ZNF782: variants seen among roughly 807,000 people sequenced by gnomAD.
The protein encoded by ZNF782 is zinc finger protein 782.
In ZNF782, 12 loss-of-function variants were observed where a neutral mutation model predicts 13.0. That is an observed-to-expected ratio of 0.92 (90% CI 0.59 to 1.50). ZNF782 has a LOEUF of 1.50. Ranked by LOEUF, ZNF782 falls within the 40% of genes most tolerant of loss-of-function variation. The pLI is 0.00. For synonymous variants in ZNF782, 284 were observed against 283.0 expected, an observed-to-expected ratio of 1.00 and a Z score of -0.04; for missense variants, 770 against 822.9, an observed-to-expected ratio of 0.94 and a Z score of 0.79.
upstream of ZNF782, among the ~76,000 whole-genome samples, chr9:96,858,199 C>G (rs1032999924): frequency 1.2e-4 from 19 of 152,288 alleles, no homozygotes; most frequent in East Asian, 5.8e-4. The surrounding 1 kb of genome is among the most constrained non-coding windows in gnomAD (Gnocchi z 4.4). Context: ...TTATAGAAAC[C>G]TTGACATACA....
chr9:96,841,685 T>G (rs1392452107), intron 4 of ZNF782, among the ~76,000 whole-genome samples: 1 of 151,890 alleles, frequency 6.6e-6, no homozygotes, highest in Non-Finnish European at 1.5e-5. Context: ...CCATTCATAA[T>G]CAATATTCTC....
At chr9:96,914,034 G>A in the ZNF782 span, among the ~76,000 whole-genome samples, 10 of 151,282 alleles carry the variant, frequency 6.6e-5, 1 homozygote, top group Non-Finnish European at 5.9e-5. Context: ...GAATGTGTCC[G>A]GATGCTCTGA....
chr9:96,881,306 T>C, the ZNF782 span, among the ~76,000 whole-genome samples: 2 of 152,104 alleles, frequency 1.3e-5, no homozygotes, highest in African/African-American at 4.8e-5. Flanking sequence ...TTCTAGCTTT[T>C]AGTTTATTTT....
the ZNF782 span, among the ~76,000 whole-genome samples, chr9:96,920,082 C>CA: frequency 2.0e-5 from 3 of 150,520 alleles, 1 homozygote; most frequent in African/African-American, 7.3e-5. Context: ...GCACTCAAAC[C>CA]AGTAATATGC....
At chr9:96,859,156 G>A (rs538277312), upstream of ZNF782, among the ~76,000 whole-genome samples, 1 of 152,322 alleles carries the variant, frequency 6.6e-6, no homozygotes, top group African/African-American at 2.4e-5. Flanking sequence ...GGCTACTGCA[G>A]GATAAAGTAC....
At chr9:96,887,323 AAGGAAGGAAGGAAGG>A in the ZNF782 span, 3 of 148,648 alleles carry the variant, frequency 2.0e-5, no homozygotes, top group Admixed American at 6.7e-5. Flanking sequence ...GGAAGGAAGG[AAGGAAGGAAGGAAGG>A]AAGAAAGAAA....
the ZNF782 span, chr9:96,931,833 T>G: frequency 1.9e-6 from 3 of 1,612,182 alleles, no homozygotes; most frequent in Admixed American, 3.3e-5. Flanking sequence ...AGGCCGCCCC[T>G]CGTGACTGCA....
the ZNF782 span, among the ~76,000 whole-genome samples, chr9:96,908,231 G>A: frequency 6.6e-6 from 1 of 151,704 alleles, no homozygotes; most frequent in Non-Finnish European, 1.5e-5. Context: ...GTGCAGTGGT[G>A]CAATCATGGC....
In ZNF782 at chr9:96,821,126, A is replaced by T. The variant is rs555097233; in HGVS notation, c.245-1348T>A. 2.0e-5 allele frequency among the ~76,000 whole-genome samples: 3 copies of T among 152,306 alleles called. 1 individual carries two copies. The South Asian group carries it at 6.2e-4, about 32-fold the overall frequency. ...TACTGCTACCCGCATTCCATGCAAAAATGTCAGCCTTGTGCTAAAAATATT... is the reference window on the plus strand; with the variant it reads ...TACTGCTACCCGCATTCCATGCAAATATGTCAGCCTTGTGCTAAAAATATT... On this transcript the variant is annotated intron_variant, in intron 5 of 5. Transcript: ENST00000481138.
chr9:96,881,493 C>T, the ZNF782 span, among the ~76,000 whole-genome samples: 2 of 152,146 alleles, frequency 1.3e-5, no homozygotes, highest in South Asian at 4.1e-4. Flanking sequence ...ACCAATAGCT[C>T]TGCTGGTAAT....
chr9:96,921,785 C>G, the ZNF782 span, among the ~76,000 whole-genome samples: 1 of 150,452 alleles, frequency 6.6e-6, no homozygotes, highest in Admixed American at 6.7e-5. Flanking sequence ...CCTCTGCCTC[C>G]CAGGTTCAAG....
intron 1 of ZNF782, among the ~76,000 whole-genome samples, chr9:96,863,120 A>C (rs1443092972): frequency 6.6e-6 from 1 of 152,114 alleles, no homozygotes; most frequent in African/African-American, 2.4e-5. Context: ...AGTACTTAAC[A>C]TACATTTATC....
At chr9:96,922,308 T>C in the ZNF782 span, among the ~76,000 whole-genome samples, 1 of 152,150 alleles carries the variant, frequency 6.6e-6, no homozygotes, top group Non-Finnish European at 1.5e-5. Flanking sequence ...TGAACAAATG[T>C]GTTTGACTTC....
At chr9:96,858,879 G>T (rs148486420), upstream of ZNF782, among the ~76,000 whole-genome samples, 77 of 152,300 alleles carry the variant, frequency 5.1e-4, no homozygotes, top group Middle Eastern at 3.4e-3. This position sits in a 1 kb window ranked among gnomAD's most constrained non-coding sequence, Gnocchi z 4.4. Flanking sequence ...GGCGGAGGGA[G>T]AGCACAGCAG....
At chr9:96,897,415 G>C in the ZNF782 span, among the ~76,000 whole-genome samples, 1 of 152,170 alleles carries the variant, frequency 6.6e-6, no homozygotes, top group Non-Finnish European at 1.5e-5. Context: ...TGATGTTGCA[G>C]GAGAATGGGT....
At chr9:96,860,265 CT>C in exon 3 of ZNF782, 1 of 152,848 alleles carries the variant, frequency 6.5e-6, no homozygotes, top group Non-Finnish European at 1.5e-5. Flanking sequence ...GCCCTGGGGC[CT>C]TGAGTGAAAT....
At chr9:96,890,221 G>C in the ZNF782 span, 1 of 152,498 alleles carries the variant, frequency 6.6e-6, no homozygotes, top group Non-Finnish European at 1.5e-5. Context: ...AAGAGATGAA[G>C]TGCTGATGAC....
In ZNF782 at chr9:96,817,259, G is replaced by C. The variant is rs1456461634; in HGVS notation, c.*664C>G. 1.3e-5 allele frequency: 2 copies of C among 152,268 alleles called. No individual in the cohort carries two copies. The highest frequency in any genetic ancestry group is 6.5e-5 in the Admixed American group (1 of 15,284). 9.4% of individuals were successfully genotyped at this position (152,268 alleles called of 1,614,324 possible). A position where few individuals can be genotyped will look rare whatever the true frequency, so the allele number is the denominator to read the frequency against. On this transcript the variant is annotated 3_prime_UTR_variant, in exon 6 of 6. Coordinates refer to ENST00000481138, the MANE Select transcript of ZNF782 (RefSeq NM_001001662.3). ...GAGGGTAACAATATGACCCCGTTTA[G>C]ATGAGAGAGTGGTTGAGAAATTTAG...
the ZNF782 span, among the ~76,000 whole-genome samples, chr9:96,914,419 C>T: frequency 1.3e-5 from 2 of 151,812 alleles, no homozygotes; most frequent in Non-Finnish European, 2.9e-5. Flanking sequence ...CGCGCCCGGC[C>T]CACTTATGTT....
Sources: allele counts gnomAD v4.1 joint callset (sites outside exome capture counted in the v4.1 genomes callset), GRCh38; gene constraint gnomAD v4.1.1; non-coding constraint Gnocchi (gnomAD v3.1); transcripts MANE v1.5; gene names NCBI Gene and HGNC (gene_info 2026-07-23, HGNC 2026-07-21).